FBP1: variants seen among roughly 807,000 people sequenced by gnomAD.
The protein encoded by FBP1 is fructose-1,6-bisphosphatase 1.
A neutral mutation model predicts 29.9 loss-of-function variants in FBP1; 22 were observed. The ratio of observed to expected loss-of-function variants is 0.74; its 90% CI spans 0.53 to 1.05. The LOEUF is 1.05. Ranked by LOEUF, FBP1 falls within the 50% of genes least tolerant of loss-of-function variation. FBP1 has a pLI of 0.00. For synonymous variants in FBP1, 175 were observed against 178.6 expected, an observed-to-expected ratio of 0.98 and a Z score of 0.16; for missense variants, 345 against 448.2, an observed-to-expected ratio of 0.77 and a Z score of 2.08.
At chr9:94,617,219 G>A (rs1240789861) in intron 3 of FBP1, among the ~76,000 whole-genome samples, 1 of 152,204 alleles carries the variant, frequency 6.6e-6, no homozygotes, top group African/African-American at 2.4e-5. Flanking sequence ...GCCAATTAAA[G>A]CTTCATTCGT....
chr9:94,606,785 C>T, intron 5 of FBP1, 30 bp downstream of exon 5: 2 of 1,607,780 alleles, frequency 1.2e-6, no homozygotes, highest in Non-Finnish European at 1.7e-6. Flanking sequence ...TGCCCAGAAC[C>T]TGCACCACCC....
Position 94,609,987 on chromosome 9 carries a change from C to G in FBP1, c.501G>C (p.Leu167=). 6.2e-7 allele frequency: 1 copy of G among 1,614,226 alleles called. No homozygotes were observed. Among genetic ancestry groups the G allele is most frequent in the Non-Finnish European group, 8.5e-7 (1 of 1,180,018 alleles). Reference sequence around the variant, plus strand: ...GGACCAGCATGGTGGCACTGCCATACAGTGCGTAGCCGGCTGCCACCAGGT... The same window carrying G: ...GGACCAGCATGGTGGCACTGCCATAGAGTGCGTAGCCGGCTGCCACCAGGT... ...GRNLVAAGYA[L]YGSATMLVLA... Residue 167 remains leucine (L), a synonymous_variant, in exon 4 of 7, where the codon CTG becomes CTC. Coordinates refer to ENST00000375326, the MANE Select transcript of FBP1 (RefSeq NM_000507.4).
intron 1 of FBP1, among the ~76,000 whole-genome samples, chr9:94,632,439 G>A (rs1828117466): frequency 6.6e-6 from 1 of 152,214 alleles, no homozygotes; most frequent in African/African-American, 2.4e-5. Context: ...GGAGGCTGAG[G>A]CGGGTGGATG....
At chr9:94,621,213 CAAAAAAAAA>C (rs57221045) in intron 1 of FBP1, among the ~76,000 whole-genome samples, 29 of 43,984 alleles carry the variant, frequency 6.6e-4, no homozygotes, top group African/African-American at 2.4e-3. Flanking sequence ...GACTCCGTCT[CAAAAAAAAA>C]AAAAAAAAAA....
chr9:94,632,197 A>G (rs1033293263), intron 1 of FBP1, among the ~76,000 whole-genome samples: 1 of 152,068 alleles, frequency 6.6e-6, no homozygotes, highest in Non-Finnish European at 1.5e-5. Context: ...CCATATATAA[A>G]AGTAACTCTT....
rs889082611 is a variant in FBP1, at chr9:94,617,994, T to C, written c.334-134A>G. 9.9e-6 allele frequency: 7 copies of C among 705,742 alleles called. No individual in the cohort carries two copies. In the African/African-American group the frequency reaches 1.2e-4, roughly 12 times the overall value. 43.7% of individuals were successfully genotyped at this position (705,742 alleles called of 1,614,324 possible). Reference sequence around the variant, plus strand: ...TGGGTCTTATTTATTTGTACTGTCATGGAAGGCATGAGATGGCATACAGAA... The same window carrying C: ...TGGGTCTTATTTATTTGTACTGTCACGGAAGGCATGAGATGGCATACAGAA... On this transcript the variant is annotated intron_variant, in intron 2 of 6. Coordinates refer to ENST00000375326, the MANE Select transcript of FBP1 (RefSeq NM_000507.4).
intron 1 of FBP1, among the ~76,000 whole-genome samples, chr9:94,623,265 A>G (rs1587862183): frequency 6.6e-6 from 1 of 152,218 alleles, no homozygotes; most frequent in South Asian, 2.1e-4. Context: ...GATTACAGGC[A>G]TGAGCCACCG....
intron 1 of FBP1, among the ~76,000 whole-genome samples, chr9:94,621,360 C>T (rs983180440): frequency 6.7e-6 from 1 of 150,108 alleles, no homozygotes; most frequent in Admixed American, 6.6e-5. Flanking sequence ...CGCACCACTG[C>T]ACTCCAGCCT....
rs752128198 is a variant in FBP1, at chr9:94,639,349, GGCAGGTGCGGGGCT to G, written c.-53_-40del. Reference sequence around the variant, plus strand: ...AGAGCGCGGGGCTGCAGGTGCAAGCGGCAGGTGCGGGGCTGCAGGTGCGGGCGGCAAGAGAGGGC... The same window carrying G: ...AGAGCGCGGGGCTGCAGGTGCAAGCGGCAGGTGCGGGCGGCAAGAGAGGGC... On this transcript the variant is annotated 5_prime_UTR_variant, in exon 1 of 7. Coordinates refer to ENST00000375326, the MANE Select transcript of FBP1 (RefSeq NM_000507.4). The G allele has an allele frequency of 5.1e-6, 8 of 1,582,780 alleles. No individual in the cohort carries two copies. The highest frequency in any genetic ancestry group is 4.0e-5 in the African/African-American group (3 of 74,254).
At chr9:94,636,591 G>T (rs1208448941) in intron 1 of FBP1, among the ~76,000 whole-genome samples, 1 of 152,076 alleles carries the variant, frequency 6.6e-6, no homozygotes, top group African/African-American at 2.4e-5. Context: ...AGGTTACTTA[G>T]ACAGTGGGAC....
chr9:94,606,921 T>A lies in FBP1; in HGVS notation c.599A>T (p.Asp200Val). 2.5e-6 allele frequency: 4 copies of A among 1,614,122 alleles called. No individual in the cohort carries two copies. Among genetic ancestry groups the A allele is most frequent in the Non-Finnish European group, 3.4e-6 (4 of 1,179,990 alleles). ...AIGEFILVDK[D>V]VKIKKKGKIY... ...TTTACCTTTCTTTTTTATCTTCACA[T>A]CCTTGTCCACCAAAATGAACTCCCC... is the stretch of plus-strand genomic sequence containing the variant. The change falls in exon 5 of 7, where the codon GAT becomes GTT. Residue 200 changes from aspartate (D) to valine (V), a missense_variant. Asp to Val is a radical substitution (Grantham distance 152). Transcript: ENST00000375326.
chr9:94,628,484 G>A (rs953431335), intron 1 of FBP1, among the ~76,000 whole-genome samples: 1 of 152,152 alleles, frequency 6.6e-6, no homozygotes, highest in Admixed American at 6.6e-5. Context: ...AGAGCATAAG[G>A]AGCAAAGTGG....
chr9:94,603,760 C>A (rs1827649931), intron 6 of FBP1, 188 bp from the exon 7 acceptor site: 5 of 651,978 alleles, frequency 7.7e-6, no homozygotes, highest in Non-Finnish European at 1.1e-5. Flanking sequence ...AACAGTTAAC[C>A]ATTTGGTTAA....
chr9:94,637,056 C>G (rs535770692), intron 1 of FBP1, among the ~76,000 whole-genome samples: 165 of 152,282 alleles, frequency 1.1e-3, no homozygotes, highest in African/African-American at 3.7e-3. Context: ...GCCACCTATA[C>G]TAGCTGTAAA....
chr9:94,608,518 G>C (rs7044193), intron 4 of FBP1, among the ~76,000 whole-genome samples: 1 of 152,088 alleles, frequency 6.6e-6, no homozygotes, highest in Non-Finnish European at 1.5e-5. Flanking sequence ...GTCAGGGCCC[G>C]GCAAATCACA....
In FBP1 at chr9:94,620,503, A is replaced by C; in HGVS notation, c.171-12T>G. On this transcript the variant is annotated splice_polypyrimidine_tract_variant and intron_variant, in intron 1 of 6. Coordinates refer to ENST00000375326, the MANE Select transcript of FBP1 (RefSeq NM_000507.4). ...CAGCAATGCCATAGCTACAGGGAAC[A>C]AAAGCCACAAAAAATAAGCCATGAC... The C allele has an allele frequency of 1.2e-6, 2 of 1,613,512 alleles. No individual in the cohort carries two copies. The highest frequency in any genetic ancestry group is 1.7e-6 in the Non-Finnish European group (2 of 1,179,714).
intron 5 of FBP1, among the ~76,000 whole-genome samples, chr9:94,606,464 GTTTAAC>G (rs1379976759): frequency 6.6e-6 from 1 of 152,230 alleles, no homozygotes; most frequent in Non-Finnish European, 1.5e-5. Flanking sequence ...TCATTCATTT[GTTTAAC>G]TTTATTATCC....
intron 1 of FBP1, among the ~76,000 whole-genome samples, chr9:94,634,304 AAAAG>A (rs1554682383): frequency 1.6e-4 from 24 of 151,154 alleles, no homozygotes; most frequent in African/African-American, 3.2e-4. Context: ...AAAAAAAAAA[AAAAG>A]AAAGAAAAAG....
intron 1 of FBP1, among the ~76,000 whole-genome samples, chr9:94,633,727 C>CG (rs1261870487): frequency 6.6e-6 from 1 of 151,508 alleles, no homozygotes; most frequent in Non-Finnish European, 1.5e-5. Flanking sequence ...TTTTTTGAGA[C>CG]GGAGTCTCCC....
Sources: allele counts gnomAD v4.1 joint callset (sites outside exome capture counted in the v4.1 genomes callset), GRCh38; gene constraint gnomAD v4.1.1; transcripts MANE v1.5; gene names NCBI Gene and HGNC (gene_info 2026-07-23, HGNC 2026-07-21).